The following CCDC91 variants were observed in gnomAD, a reference collection of about 807,000 sequenced individuals.
The protein encoded by CCDC91 is coiled-coil domain-containing protein 91.
CCDC91 carries 48 observed loss-of-function variants against 63.2 expected under a neutral mutation model. The ratio of observed to expected loss-of-function variants is 0.76; its 90% CI spans 0.60 to 0.97. CCDC91 has a LOEUF of 0.97. Among genes scored for constraint, CCDC91 ranks in the 50% least tolerant of loss-of-function variants. CCDC91 has a pLI of 0.00. For synonymous variants in CCDC91, 167 were observed against 165.8 expected (o/e 1.01, Z -0.06); for missense variants, 500 against 494.6 (o/e 1.01, Z -0.10).
At position 28,385,326 on chromosome 12, in the gene CCDC91, G is replaced by A. The variant is rs117000500; in HGVS notation, c.655-5978G>A. ...AGTTTTAATAATTTCTGTATGAAGGGACAAATAATCAGGCTTGCCTAAATC... is the reference window on the plus strand; with the variant it reads ...AGTTTTAATAATTTCTGTATGAAGGAACAAATAATCAGGCTTGCCTAAATC... On this transcript the variant is annotated intron_variant, in intron 7 of 12. Transcript: ENST00000536442. Among the ~76,000 whole-genome samples, 526 of 152,172 alleles carry A rather than the reference G, an allele frequency of 3.5e-3. 1 individual carries two copies. Among genetic ancestry groups the A allele is most frequent in the Non-Finnish European group, 5.2e-3 (356 of 67,984 alleles).
chr12:28,202,118 CTA>C (rs1352387201), intron 1 of CCDC91, among the ~76,000 whole-genome samples: 1 of 140,866 alleles, frequency 7.1e-6, no homozygotes, highest in Non-Finnish European at 1.6e-5. Context: ...TTTGTAATCT[CTA>C]TCTCTTCATT....
chr12:28,494,094 C>A (rs1017922870), intron 12 of CCDC91, among the ~76,000 whole-genome samples: 1 of 151,702 alleles, frequency 6.6e-6, no homozygotes, highest in African/African-American at 2.4e-5. Flanking sequence ...TAAGATTTCC[C>A]TGCCTGATGA....
At chr12:28,519,432 A>T (rs887037745) in intron 12 of CCDC91, among the ~76,000 whole-genome samples, 2 of 151,732 alleles carry the variant, frequency 1.3e-5, no homozygotes, top group Non-Finnish European at 2.9e-5. Context: ...GAAACTGTTG[A>T]CTTTTGTCAG....
chr12:28,400,306 T>G (rs1393851261), intron 8 of CCDC91, among the ~76,000 whole-genome samples: 1 of 152,106 alleles, frequency 6.6e-6, no homozygotes, highest in Non-Finnish European at 1.5e-5. Flanking sequence ...CTGAAGCAGC[T>G]GGGATGCAGG....
At chr12:28,487,676 C>G (rs1017813370) in intron 12 of CCDC91, among the ~76,000 whole-genome samples, 6 of 151,222 alleles carry the variant, frequency 4.0e-5, no homozygotes, top group African/African-American at 1.5e-4. Flanking sequence ...AAAGAGTCAA[C>G]TTGAGATTTT....
intron 3 of CCDC91, among the ~76,000 whole-genome samples, chr12:28,305,355 A>G (rs988731110): frequency 6.6e-6 from 1 of 152,072 alleles, no homozygotes; most frequent in African/African-American, 2.4e-5. Context: ...TATGTTGGAA[A>G]TGTACTCCTT....
At chr12:28,369,511 C>A (rs976970022) in intron 7 of CCDC91, among the ~76,000 whole-genome samples, 3 of 152,176 alleles carry the variant, frequency 2.0e-5, no homozygotes, top group African/African-American at 7.2e-5. Context: ...ACAGGTTTTT[C>A]AGGCATACAG....
chr12:28,265,643 A>G (rs1436428881), intron 3 of CCDC91, among the ~76,000 whole-genome samples: 1 of 152,038 alleles, frequency 6.6e-6, no homozygotes, highest in African/African-American at 2.4e-5. Flanking sequence ...TTTTTCCAGT[A>G]GAATCTGTGT....
chr12:28,363,919 G>C (rs1592435222), intron 7 of CCDC91, among the ~76,000 whole-genome samples: 3 of 146,620 alleles, frequency 2.0e-5, no homozygotes, highest in Admixed American at 2.0e-4. Context: ...AAATCATTTG[G>C]ATAAAAGTAG....
At chr12:28,537,196 T>G (rs1280283517) in intron 12 of CCDC91, among the ~76,000 whole-genome samples, 2 of 152,128 alleles carry the variant, frequency 1.3e-5, no homozygotes, top group Non-Finnish European at 2.9e-5. Flanking sequence ...TAGCTATAAC[T>G]GCAGATGCTC....
At chr12:28,421,544 C>CTTT (rs77369550) in intron 8 of CCDC91, among the ~76,000 whole-genome samples, 5 of 144,250 alleles carry the variant, frequency 3.5e-5, no homozygotes, top group African/African-American at 1.3e-4. Flanking sequence ...TGATCTCTTT[C>CTTT]TTTTTTTTTT....
intron 6 of CCDC91, among the ~76,000 whole-genome samples, chr12:28,359,129 T>C (rs960958766): frequency 2.0e-5 from 3 of 152,088 alleles, no homozygotes; most frequent in African/African-American, 7.2e-5. Flanking sequence ...CTCCTGACCT[T>C]GTGATCTGCC....
chr12:28,239,134 A>AT (rs201645045), intron 1 of CCDC91, among the ~76,000 whole-genome samples: 1,737 of 151,960 alleles, frequency 0.011, 8 homozygotes, highest in Middle Eastern at 0.021. Flanking sequence ...AAAAAAAAAA[A>AT]ATATATGTGG....
intron 11 of CCDC91, among the ~76,000 whole-genome samples, chr12:28,453,428 T>A (rs957644878): frequency 1.3e-5 from 2 of 152,054 alleles, no homozygotes; most frequent in African/African-American, 4.8e-5. Flanking sequence ...CTAAAATGAC[T>A]AACCTTTCAG....
At chr12:28,391,454 T>C (rs780806466) in intron 8 of CCDC91, 43 bp downstream of exon 8, 2 of 1,187,736 alleles carry the variant, frequency 1.7e-6, no homozygotes, top group South Asian at 2.5e-5. Flanking sequence ...ACTTTTCCCC[T>C]GACTCTCTCC....
In CCDC91 at chr12:28,306,804, A is replaced by G. The variant is rs367595284; in HGVS notation, c.330A>G (p.Glu110=). 3.7e-6 allele frequency: 6 copies of G among 1,612,394 alleles called. No individual in the cohort carries two copies. The highest frequency in any genetic ancestry group is 5.1e-6 in the Non-Finnish European group (6 of 1,178,842). ...TTTTTCCATTGGGTTTAACTGATGA[A>G]AAAAGTAATGGAACAATTGCCCTTG... is the stretch of plus-strand genomic sequence containing the variant. ...ISLFPLGLTD[E]KSNGTIALVD... The change falls in exon 5 of 13, where the codon GAA becomes GAG. Residue 110 remains glutamate, a synonymous_variant. Coordinates refer to ENST00000536442, the MANE Select transcript of CCDC91 (RefSeq NM_018318.5).
At chr12:28,483,870 G>A (rs1951574061) in intron 11 of CCDC91, among the ~76,000 whole-genome samples, 182 bp from the exon 12 acceptor site, 1 of 152,062 alleles carries the variant, frequency 6.6e-6, no homozygotes, top group African/African-American at 2.4e-5. Flanking sequence ...TTTAGGAAAG[G>A]GAGTTCTGTG....
At chr12:28,216,241 C>G (rs907043289) in intron 1 of CCDC91, among the ~76,000 whole-genome samples, 15 of 151,974 alleles carry the variant, frequency 9.9e-5, no homozygotes, top group African/African-American at 3.6e-4. Flanking sequence ...TTTAAGCTTT[C>G]TTTGTTGTTC....
chr12:28,242,166 A>AT (rs1233610574), intron 1 of CCDC91, among the ~76,000 whole-genome samples: 1 of 151,996 alleles, frequency 6.6e-6, no homozygotes, highest in Non-Finnish European at 1.5e-5. Context: ...CCCTGCCCTG[A>AT]GGGGGTGCCA....
Sources: allele counts gnomAD v4.1 joint callset (sites outside exome capture counted in the v4.1 genomes callset), GRCh38; gene constraint gnomAD v4.1.1; transcripts MANE v1.5; gene names NCBI Gene and HGNC (gene_info 2026-07-23, HGNC 2026-07-21).